SLC6A3: variants seen among roughly 807,000 people sequenced by gnomAD.
The protein encoded by SLC6A3 is solute carrier family 6 member 3.
A neutral mutation model predicts 70.4 loss-of-function variants in SLC6A3; 19 were observed. The ratio of observed to expected loss-of-function variants is 0.27; its 90% CI spans 0.19 to 0.40. The LOEUF is 0.40. Ranked by LOEUF, SLC6A3 falls within the 10% of genes least tolerant of loss-of-function variation. The pLI is 1.00. For missense variants in SLC6A3, 613 were observed against 838.5 expected (o/e 0.73, Z 3.32); for synonymous variants, 368 against 356.6 (o/e 1.03, Z -0.36).
Position 1,412,848 on chromosome 5 carries a change from C to T in SLC6A3, c.1157-1493G>A, listed in dbSNP as rs139665543. Among the ~76,000 whole-genome samples, 250 of 152,284 alleles carry T rather than the reference C, an allele frequency of 1.6e-3. 2 individuals carry two copies. Among genetic ancestry groups the T allele is most frequent in the Middle Eastern group, 6.8e-3 (2 of 294 alleles). On this transcript the variant is annotated intron_variant, in intron 8 of 14. Coordinates refer to ENST00000270349, the MANE Select transcript of SLC6A3 (RefSeq NM_001044.5). The stretch of plus-strand genomic sequence containing the variant: ...AGGGGCCTCACTATCAGCCAAGCAG[C>T]GGGGTCAGACCTGGGCTCTCGCAGC...
intron 9 of SLC6A3, among the ~76,000 whole-genome samples, chr5:1,410,553 G>A (rs969846783): frequency 2.6e-5 from 4 of 152,164 alleles, no homozygotes; most frequent in Admixed American, 2.6e-4. Context: ...CCGATCAAGG[G>A]CTGGACCCGC....
intron 5 of SLC6A3, 76 bp from the exon 6 acceptor site, chr5:1,420,779 G>C: frequency 6.5e-7 from 1 of 1,535,728 alleles, no homozygotes; most frequent in Non-Finnish European, 9.0e-7. Flanking sequence ...CAAGGGCACC[G>C]GGTTGCCCTG....
At chr5:1,443,391 T>A in intron 1 of SLC6A3, 149 bp from the exon 2 acceptor site, 1 of 686,774 alleles carries the variant, frequency 1.5e-6, no homozygotes, top group Non-Finnish European at 2.6e-6. Flanking sequence ...GCGCCTGAGA[T>A]GGTACAGCTG....
intron 4 of SLC6A3, among the ~76,000 whole-genome samples, chr5:1,422,876 G>A (rs111248970): frequency 9.7e-4 from 37 of 38,326 alleles, no homozygotes; most frequent in African/African-American, 2.2e-3. Context: ...CCATGGTGCT[G>A]GGTGCCCACC....
intron 14 of SLC6A3, 80 bp downstream of exon 14, chr5:1,400,835 C>G: frequency 9.9e-7 from 1 of 1,007,656 alleles, no homozygotes; most frequent in Non-Finnish European, 1.5e-6. Context: ...AGCCTCGGAG[C>G]CCCCTGGGGG....
At chr5:1,403,826 C>T (rs1755908237) in intron 12 of SLC6A3, among the ~76,000 whole-genome samples, 1 of 152,206 alleles carries the variant, frequency 6.6e-6, no homozygotes, top group South Asian at 2.1e-4. Context: ...AAGCTTCCCA[C>T]TCTCCAGAGG....
rs1470894650 is a variant in SLC6A3 at position 1,411,362 on chromosome 5, C to T, written c.1157-7G>A. Reference sequence around the variant, plus strand: ...ATGAAGATCAGCCCTGGCCCTGAAACAGAACCCGCCCTGCTTGCCACAGAG... The same window carrying T: ...ATGAAGATCAGCCCTGGCCCTGAAATAGAACCCGCCCTGCTTGCCACAGAG... On this transcript the variant is annotated splice_region_variant and splice_polypyrimidine_tract_variant and intron_variant, in intron 8 of 14. Transcript: ENST00000270349. The surrounding 1 kb of genome is among the most constrained non-coding windows in gnomAD (Gnocchi z 6.5). 26 of 1,545,662 alleles carry T rather than the reference C, an allele frequency of 1.7e-5. No homozygotes were observed. The East Asian group carries it at 6.1e-4, about 36-fold the overall frequency.
Position 1,406,271 on chromosome 5 carries a change from C to T in SLC6A3, c.1516G>A (p.Asp506Asn), listed in dbSNP as rs746455820. The change falls in exon 12 of 15, where the codon GAC becomes AAC. Residue 506 changes from aspartate to asparagine, a missense_variant. This residue lies in a region of SLC6A3 where 348 missense variants were observed against 481.2 expected (regional missense o/e 0.72). Transcript: ENST00000270349. This position sits in a 1 kb window ranked among gnomAD's most constrained non-coding sequence, Gnocchi z 8.8. ...AWFYGVGQFS[D>N]DIQQMTGQRP... ...TGCCCGGTCATCTGCTGGATGTCGT[C>T]GCTGAACTGCCCAACACCTGAGGGA... The T allele has an allele frequency of 8.7e-6, 14 of 1,612,928 alleles. No individual in the cohort carries two copies. Among genetic ancestry groups the T allele is most frequent in the African/African-American group, 2.7e-5 (2 of 75,050 alleles).
In SLC6A3 at chr5:1,421,855, T is replaced by C. The variant is rs1402931829; in HGVS notation, c.792+21A>G. ...GGTGGCCCCATGTCTACAGGCCCAA[T>C]TGGTGACCCCCGAGCCTCACCTTCC... On this transcript the variant is annotated intron_variant, in intron 5 of 14. Coordinates refer to ENST00000270349, the MANE Select transcript of SLC6A3 (RefSeq NM_001044.5). This position sits in a 1 kb window ranked among gnomAD's most constrained non-coding sequence, Gnocchi z 7.2. 2 of 1,612,546 alleles carry C rather than the reference T, an allele frequency of 1.2e-6. No homozygotes were observed. The highest frequency in any genetic ancestry group is 2.2e-5 in the East Asian group (1 of 44,868).
At chr5:1,417,856 T>A (rs561944984) in intron 6 of SLC6A3, among the ~76,000 whole-genome samples, 4 of 152,216 alleles carry the variant, frequency 2.6e-5, no homozygotes, top group African/African-American at 9.6e-5. Flanking sequence ...GGAGGCCAGG[T>A]GGGTCTCAGG....
intron 4 of SLC6A3, among the ~76,000 whole-genome samples, chr5:1,425,824 A>C (rs956771734): frequency 6.6e-6 from 1 of 152,216 alleles, no homozygotes. Flanking sequence ...CAACAAAAAA[A>C]CTGACAGCCC....
At position 1,443,387 on chromosome 5, in the gene SLC6A3, G is replaced by A. The variant is rs116652577; in HGVS notation, c.-45-145C>T. 2.0e-3 allele frequency: 1,387 copies of A among 695,602 alleles called. 9 individuals carry two copies. The African/African-American group carries it at 0.022, about 11-fold the overall frequency. The allele number at this position is 695,602 out of a possible 1,614,324, so 43.1% of individuals were successfully genotyped here. ...AGGGATGGGTGCGTTCTCAGCGCCT[G>A]AGATGGTACAGCTGGGGCACGGGAG... On this transcript the variant is annotated intron_variant, in intron 1 of 14. Coordinates refer to ENST00000270349, the MANE Select transcript of SLC6A3 (RefSeq NM_001044.5).
At position 1,421,724 on chromosome 5, in the gene SLC6A3, C is replaced by T; in HGVS notation, c.792+152G>A. ...GCCATATGAGTCTCCCAAACTCAAC[C>T]ATGGCCATGTGTCCACCCCAACCTG... On this transcript the variant is annotated intron_variant, in intron 5 of 14. Coordinates refer to ENST00000270349, the MANE Select transcript of SLC6A3 (RefSeq NM_001044.5). This position sits in a 1 kb window ranked among gnomAD's most constrained non-coding sequence, Gnocchi z 7.2. The T allele has an allele frequency of 1.2e-6, 1 of 835,698 alleles. No homozygotes were observed. Among genetic ancestry groups the T allele is most frequent in the Non-Finnish European group, 2.1e-6 (1 of 486,940 alleles). 51.8% of individuals were successfully genotyped at this position (835,698 alleles called of 1,614,324 possible).
Position 1,421,621 on chromosome 5 carries a change from C to G in SLC6A3, c.792+255G>C, listed in dbSNP as rs1034187696. 6.6e-6 allele frequency among the ~76,000 whole-genome samples: 1 copy of G among 151,078 alleles called. No individual in the cohort carries two copies. The highest frequency in any genetic ancestry group is 2.1e-4 in the South Asian group (1 of 4,760). On this transcript the variant is annotated intron_variant, in intron 5 of 14. Coordinates refer to ENST00000270349, the MANE Select transcript of SLC6A3 (RefSeq NM_001044.5). This position sits in a 1 kb window ranked among gnomAD's most constrained non-coding sequence, Gnocchi z 7.2. ...GTCCCCCCACCCACCCATGGCCGCG[C>G]GTCTACCCAAGCCAACCCGGCACAG... is the stretch of plus-strand genomic sequence containing the variant.
At chr5:1,434,155 A>G (rs1756775607) in intron 3 of SLC6A3, among the ~76,000 whole-genome samples, 1 of 152,252 alleles carries the variant, frequency 6.6e-6, no homozygotes, top group South Asian at 2.1e-4. Context: ...CCAAGGTCAC[A>G]CTACCCATGC....
chr5:1,440,298 T>C (rs1000157714), intron 3 of SLC6A3, among the ~76,000 whole-genome samples: 4 of 151,892 alleles, frequency 2.6e-5, no homozygotes, highest in Non-Finnish European at 5.9e-5. Context: ...AATGGATGGA[T>C]GGATAGATAG....
Position 1,408,982 on chromosome 5 carries a change from C to T in SLC6A3, c.1498+44G>A. 1 of 1,384,890 alleles carries T rather than the reference C, an allele frequency of 7.2e-7. No homozygotes were observed. The highest frequency in any genetic ancestry group is 1.0e-6 in the Non-Finnish European group (1 of 973,786). 85.8% of individuals were successfully genotyped at this position (1,384,890 alleles called of 1,614,324 possible). A position where few individuals can be genotyped will look rare whatever the true frequency, so the allele number is the denominator to read the frequency against. ...TTTCAGAAGGGGAGTGGCACAGCCA[C>T]CAAACAAGAGGGTGCCGGCTTGGCT... On this transcript the variant is annotated intron_variant, in intron 11 of 14. Transcript: ENST00000270349. This position sits in a 1 kb window ranked among gnomAD's most constrained non-coding sequence, Gnocchi z 6.4.
At chr5:1,422,384 AAGGTGCTGGGTGCCCACCGCTGCCCACG>A (rs1252386471) in intron 4 of SLC6A3, among the ~76,000 whole-genome samples, 2,174 of 149,370 alleles carry the variant, frequency 0.015, 438 homozygotes, top group Admixed American at 0.018. Flanking sequence ...AGTGCTGCCC[AAGGTGCTGGGTGCCCACCGCTGCCCACG>A]GTGCTGCCCA....
chr5:1,403,945 C>A (rs969522465), intron 12 of SLC6A3, among the ~76,000 whole-genome samples: 2 of 152,376 alleles, frequency 1.3e-5, no homozygotes, highest in African/African-American at 2.4e-5. Context: ...TGAATGTGTT[C>A]TGTGCACCCA....
Sources: gnomAD v4.1 joint callset for allele counts (sites outside exome capture counted in the v4.1 genomes callset) on GRCh38, gnomAD v4.1.1 for gene constraint, gnomAD v4.1.1 regional missense constraint, Gnocchi (gnomAD v3.1) non-coding constraint, MANE v1.5 for transcripts, NCBI Gene and HGNC (gene_info 2026-07-23, HGNC 2026-07-21) for gene names.